MGST1: variants seen among roughly 807,000 people sequenced by gnomAD.
The protein encoded by MGST1 is glutathione S-transferase 12.
In MGST1, 5 loss-of-function variants were observed where a neutral mutation model predicts 8.9. The observed-to-expected ratio is 0.56, with a 90% CI of 0.29 to 1.19. The LOEUF (loss-of-function observed/expected upper bound fraction) is 1.19. Ranked by LOEUF, MGST1 falls within the 50% of genes most tolerant of loss-of-function variation. The pLI is 0.08. For missense variants in MGST1, 182 were observed against 187.4 expected (o/e 0.97, Z 0.17); for synonymous variants, 54 against 67.8 (o/e 0.80, Z 1.00).
chr12:16,391,065 T>C (rs1309776178), intron 1 of MGST1, among the ~76,000 whole-genome samples: 1 of 152,172 alleles, frequency 6.6e-6, no homozygotes, highest in Non-Finnish European at 1.5e-5. Context: ...ATCAGTGATA[T>C]TGAACTTTTT....
chr12:16,576,618 G>T lies in MGST1; in HGVS notation n.483-12910G>T, dbSNP rs901279500. On this transcript the variant is annotated intron_variant and non_coding_transcript_variant, in intron 4 of 4. Transcript: ENST00000538857. This position sits in a 1 kb window ranked among gnomAD's most constrained non-coding sequence, Gnocchi z 4.1. The stretch of plus-strand genomic sequence containing the variant: ...TTGTCTCTTTCTCACTACATAATAA[G>T]CTCCCTGAAAACTTGCCTTCTCCTT... Among the ~76,000 whole-genome samples, 1 of 151,984 alleles carries T rather than the reference G, an allele frequency of 6.6e-6. No individual in the cohort carries two copies. Among genetic ancestry groups the T allele is most frequent in the Non-Finnish European group, 1.5e-5 (1 of 67,992 alleles).
chr12:16,572,083 C>CA (rs1451087725), intron 4 of MGST1, among the ~76,000 whole-genome samples: 1 of 151,638 alleles, frequency 6.6e-6, no homozygotes, highest in Non-Finnish European at 1.5e-5. Flanking sequence ...GAAAGAGATT[C>CA]AAAAAGACAA....
intron 1 of MGST1, among the ~76,000 whole-genome samples, chr12:16,396,423 A>C (rs1940605760): frequency 6.6e-6 from 1 of 152,188 alleles, no homozygotes; most frequent in Non-Finnish European, 1.5e-5. Flanking sequence ...GTATTACTGG[A>C]AGTCTTAGTC....
chr12:16,374,247 A>G (rs1940345279), intron 3 of MGST1, among the ~76,000 whole-genome samples: 1 of 152,148 alleles, frequency 6.6e-6, no homozygotes, highest in Non-Finnish European at 1.5e-5. Flanking sequence ...GATGATGTCT[A>G]ACATCTTTGT....
intron 4 of MGST1, among the ~76,000 whole-genome samples, chr12:16,492,917 A>T (rs979044976): frequency 6.6e-6 from 1 of 152,182 alleles, no homozygotes; most frequent in African/African-American, 2.4e-5. Flanking sequence ...GACCAGGCCT[A>T]TTGAAGGAAC....
intron 4 of MGST1, among the ~76,000 whole-genome samples, chr12:16,477,730 A>G (rs962314887): frequency 6.6e-5 from 10 of 152,144 alleles, no homozygotes; most frequent in Non-Finnish European, 1.2e-4. Flanking sequence ...TTAAGTCTTG[A>G]GATTTCAGCT....
intron 1 of MGST1, among the ~76,000 whole-genome samples, chr12:16,421,437 G>A (rs1316003903): frequency 6.6e-6 from 1 of 152,186 alleles, no homozygotes; most frequent in African/African-American, 2.4e-5. Context: ...AAAGCCCAGA[G>A]TGGCAATAAT....
At chr12:16,412,625 C>T (rs558110533) in intron 1 of MGST1, among the ~76,000 whole-genome samples, 7 of 152,064 alleles carry the variant, frequency 4.6e-5, no homozygotes, top group Admixed American at 6.6e-5. Context: ...TTAAATCATG[C>T]GGATGAGTTT....
chr12:16,386,532 T>C (rs1940505515), intron 1 of MGST1, among the ~76,000 whole-genome samples: 2 of 152,222 alleles, frequency 1.3e-5, no homozygotes, highest in African/African-American at 2.4e-5. Flanking sequence ...CTCTCAATAC[T>C]GAGACCGAAG....
At chr12:16,444,655 G>C (rs1941065545) in intron 4 of MGST1, among the ~76,000 whole-genome samples, 1 of 151,832 alleles carries the variant, frequency 6.6e-6, no homozygotes, top group Admixed American at 6.6e-5. Context: ...GTTTCACATG[G>C]CCATAGGCAT....
chr12:16,543,471 A>C (rs1941803906), intron 4 of MGST1, among the ~76,000 whole-genome samples: 1 of 152,102 alleles, frequency 6.6e-6, no homozygotes, highest in Non-Finnish European at 1.5e-5. Context: ...ATGTCTACCT[A>C]ATGGAGCATA....
At chr12:16,554,150 T>A (rs1942098222) in intron 4 of MGST1, among the ~76,000 whole-genome samples, 1 of 152,160 alleles carries the variant, frequency 6.6e-6, no homozygotes, top group Admixed American at 6.5e-5. Flanking sequence ...CTTCATATAG[T>A]CTTAGAGACT....
At chr12:16,352,854 G>A (rs760115194) in intron 1 of MGST1, among the ~76,000 whole-genome samples, 1 of 152,002 alleles carries the variant, frequency 6.6e-6, no homozygotes, top group East Asian at 1.9e-4. Flanking sequence ...GTTTTTTGAT[G>A]TTTCCATTAT....
intron 1 of MGST1, chr12:16,399,664 AC>A: frequency 6.4e-7 from 1 of 1,559,172 alleles, no homozygotes; most frequent in Non-Finnish European, 8.8e-7. Context: ...TCCAGAAAAG[AC>A]CAGACACCTT....
At chr12:16,425,994 G>T (rs760364599) in intron 1 of MGST1, among the ~76,000 whole-genome samples, 2 of 151,890 alleles carry the variant, frequency 1.3e-5, no homozygotes, top group Non-Finnish European at 2.9e-5. Flanking sequence ...CATATCTCTT[G>T]CCTTGATTAT....
In MGST1 at chr12:16,391,886, T is replaced by C. The variant is rs191484246; in HGVS notation, n.778+8282T>C. Among the ~76,000 whole-genome samples, 191 of 152,326 alleles carry C rather than the reference T, an allele frequency of 1.3e-3. 1 individual carries two copies. The highest frequency in any genetic ancestry group is 4.4e-3 in the African/African-American group (181 of 41,578). ...GTTCTCATAGTTTTGGGTTTTACATTTAAGTGTTTAATCCATCTTGAGTTG... is the reference window on the plus strand; with the variant it reads ...GTTCTCATAGTTTTGGGTTTTACATCTAAGTGTTTAATCCATCTTGAGTTG... On this transcript the variant is annotated intron_variant and non_coding_transcript_variant, in intron 1 of 1. Transcript: ENST00000359720.
chr12:16,349,584 A>C (rs1169638289), intron 1 of MGST1, among the ~76,000 whole-genome samples: 1 of 152,194 alleles, frequency 6.6e-6, no homozygotes, highest in Non-Finnish European at 1.5e-5. Flanking sequence ...AAAGGTAGAA[A>C]AAAATATTAT....
intron 4 of MGST1, chr12:16,550,580 C>A (rs934160677): frequency 7.2e-5 from 11 of 152,182 alleles, no homozygotes; most frequent in Admixed American, 7.2e-4. Flanking sequence ...TGATTTTTAA[C>A]CCCCTGAAAA....
intron 4 of MGST1, among the ~76,000 whole-genome samples, chr12:16,525,034 C>A (rs998826010): frequency 6.8e-5 from 1 of 14,736 alleles, no homozygotes; most frequent in Admixed American, 7.7e-4. Context: ...ATCATGGAAC[C>A]CATTTTTTTT....
Sources: gnomAD v4.1 joint callset for allele counts (sites outside exome capture counted in the v4.1 genomes callset) on GRCh38, gnomAD v4.1.1 for gene constraint, Gnocchi (gnomAD v3.1) non-coding constraint, MANE v1.5 for transcripts, NCBI Gene and HGNC (gene_info 2026-07-23, HGNC 2026-07-21) for gene names.